The following TNFSF14 variants were observed in gnomAD, a reference collection of about 807,000 sequenced individuals.
TNFSF14 encodes the protein tumor necrosis factor ligand superfamily member 14.
A neutral mutation model predicts 22.7 loss-of-function variants in TNFSF14; 15 were observed. The ratio of observed to expected loss-of-function variants is 0.66; its 90% confidence interval spans 0.44 to 1.02. The LOEUF is 1.02. TNFSF14 is among the 50% of genes least tolerant of loss of function. The pLI is 0.00. For synonymous variants in TNFSF14, 133 were observed against 139.6 expected (o/e 0.95, Z 0.33); for missense variants, 287 against 326.2 (o/e 0.88, Z 0.93).
chr19:6,670,377 T>C (rs1256128121), upstream of TNFSF14: 2 of 859,210 alleles, frequency 2.3e-6, no homozygotes, highest in Admixed American at 7.8e-5. Flanking sequence ...GGATGCTTCA[T>C]TCGCTTGGGG....
intron 1 of TNFSF14, among the ~76,000 whole-genome samples, chr19:6,667,814 G>A (rs1425903127): frequency 2.0e-5 from 3 of 152,190 alleles, no homozygotes; most frequent in Non-Finnish European, 4.4e-5. Flanking sequence ...GCCGAGGTGG[G>A]CAGATTACCT....
chr19:6,669,833 C>G lies in TNFSF14; in HGVS notation c.219+18G>C, dbSNP rs758618893. 2 of 1,608,274 alleles carry G rather than the reference C, an allele frequency of 1.2e-6. No individual in the cohort carries two copies. The highest frequency in any genetic ancestry group is 1.1e-5 in the South Asian group (1 of 90,962). ...CCCCCTCACCTCCACCTGCTCTCAG[C>G]CCCCCGGTCCCACTCACAGGCAGGC... On this transcript the variant is annotated intron_variant, in intron 1 of 3. Coordinates refer to ENST00000675206, the MANE Select transcript of TNFSF14 (RefSeq NM_001376887.1).
intron 3 of TNFSF14, among the ~76,000 whole-genome samples, chr19:6,666,857 C>T (rs1917441658): frequency 1.3e-5 from 2 of 151,930 alleles, no homozygotes; most frequent in Admixed American, 1.3e-4. Flanking sequence ...GAGATCATGC[C>T]ACTGCACCCC....
intron 1 of TNFSF14, among the ~76,000 whole-genome samples, chr19:6,668,773 C>T (rs1044846066): frequency 1.3e-5 from 2 of 152,052 alleles, no homozygotes; most frequent in African/African-American, 4.8e-5. Context: ...GGATATAGCA[C>T]CTGCCACAGG....
In TNFSF14 at chr19:6,664,897, C is replaced by T. The variant is rs1259276152; in HGVS notation, c.*29G>A. On this transcript the variant is annotated 3_prime_UTR_variant, in exon 4 of 4. Transcript: ENST00000675206. This position sits in a 1 kb window ranked among gnomAD's most constrained non-coding sequence, Gnocchi z 4.7. ...CCCTCTGAGTTCTCCACGTGTCAGA[C>T]CCATGTCCAATGCACCACGCTCCTT... 1.3e-6 allele frequency: 2 copies of T among 1,557,476 alleles called. No homozygotes were observed. Among genetic ancestry groups the T allele is most frequent in the Non-Finnish European group, 1.7e-6 (2 of 1,147,014 alleles).
intron 3 of TNFSF14, among the ~76,000 whole-genome samples, 198 bp downstream of exon 3, chr19:6,666,913 TAA>T (rs1917445767): frequency 6.7e-6 from 1 of 149,362 alleles, no homozygotes; most frequent in African/African-American, 2.5e-5. Context: ...AATAAATAAA[TAA>T]ATAAATAAAT....
chr19:6,665,667 C>T lies in TNFSF14; in HGVS notation c.299-317G>A, dbSNP rs1917399380. ...CAGGTGATCCACCCGCCTCGGCCTC[C>T]CAGAGTGCTGGGATTACAGGTGTGA... On this transcript the variant is annotated intron_variant, in intron 3 of 3. Transcript: ENST00000675206. Among the ~76,000 whole-genome samples the T allele has an allele frequency of 3.9e-5, 6 of 152,164 alleles. No homozygotes were observed. The South Asian group carries it at 1.2e-3, about 32-fold the overall frequency.
In TNFSF14 at chr19:6,661,932, T is replaced by A. The variant is rs1037105181; in HGVS notation, c.*2994A>T. ...TTTCCTTTGAGGATGCTGAGTAAAC[T>A]TCGTGGTGTGTGCCTGCATTTCCAC... On this transcript the variant is annotated 3_prime_UTR_variant, in exon 4 of 4. Transcript: ENST00000675206. The A allele has an allele frequency of 1.3e-5, 2 of 152,258 alleles. No individual in the cohort carries two copies. Among genetic ancestry groups the A allele is most frequent in the African/African-American group, 2.4e-5 (1 of 41,446 alleles). 9.4% of individuals were successfully genotyped at this position (152,258 alleles called of 1,614,324 possible).
rs1381921616 is a variant in TNFSF14 at position 6,667,097 on chromosome 19, C to A, written c.298+16G>T. 1 of 1,609,452 alleles carries A rather than the reference C, an allele frequency of 6.2e-7. No homozygotes were observed. Among genetic ancestry groups the A allele is most frequent in the Non-Finnish European group, 8.5e-7 (1 of 1,178,404 alleles). On this transcript the variant is annotated intron_variant, in intron 3 of 3. Coordinates refer to ENST00000675206, the MANE Select transcript of TNFSF14 (RefSeq NM_001376887.1). ...CCTGACCCCTGCCCCTTGCCAGGAT[C>A]CAGGGTCCCTCTCACCTGTGAGATG...
upstream of TNFSF14, chr19:6,670,426 G>A: frequency 2.6e-6 from 1 of 381,602 alleles, no homozygotes; most frequent in Non-Finnish European, 4.1e-6. Flanking sequence ...CCCATGCCAG[G>A]CTCTGCTCTC....
rs1461476323 is a variant in TNFSF14, at chr19:6,669,885, T to C, written c.185A>G (p.His62Arg). ...GGTGACCATCTCTCCTAGACGCCAGTGCAGCTGCAGGAGGAACCAGCCTTG... is the reference window on the plus strand; with the variant it reads ...GGTGACCATCTCTCCTAGACGCCAGCGCAGCTGCAGGAGGAACCAGCCTTG... Reference protein sequence around the residue: ...AVQGWFLLQLHWRLGEMVTRL... With the variant: ...AVQGWFLLQLRWRLGEMVTRL... Residue 62 changes from histidine to arginine, a missense_variant, in exon 1 of 4, where the codon CAC becomes CGC. Physicochemically the swap from His to Arg is conservative, Grantham distance 29. Transcript: ENST00000675206. The C allele has an allele frequency of 6.2e-7, 1 of 1,613,304 alleles. No individual in the cohort carries two copies. Among genetic ancestry groups the C allele is most frequent in the Admixed American group, 1.7e-5 (1 of 59,990 alleles).
At chr19:6,670,288 A>T, upstream of TNFSF14, 1 of 1,396,462 alleles carries the variant, frequency 7.2e-7, no homozygotes. Context: ...ACTCATACAG[A>T]CTCTCACACT....
At position 6,664,818 on chromosome 19, in the gene TNFSF14, G is replaced by A. The variant is rs1037775953; in HGVS notation, c.*108C>T. The A allele has an allele frequency of 7.8e-6, 11 of 1,418,396 alleles. No individual in the cohort carries two copies. In the Middle Eastern group the frequency reaches 7.4e-4, roughly 95 times the overall value. The allele number at this position is 1,418,396 out of a possible 1,614,324, so 87.9% of individuals were successfully genotyped here. On this transcript the variant is annotated 3_prime_UTR_variant, in exon 4 of 4. Coordinates refer to ENST00000675206, the MANE Select transcript of TNFSF14 (RefSeq NM_001376887.1). This position sits in a 1 kb window ranked among gnomAD's most constrained non-coding sequence, Gnocchi z 4.7. ...GCCTCCCAAAGTGCTGGGATTACAG[G>A]CGAGAGCCACCACGCCCAGCCTCTG...
Position 6,665,350 on chromosome 19 carries a change from C to T in TNFSF14, c.299G>A (p.Gly100Glu). Residue 100 changes from glycine to glutamate, a missense_variant and splice_region_variant, in exon 4 of 4, where the codon GGG becomes GAG. Coordinates refer to ENST00000675206, the MANE Select transcript of TNFSF14 (RefSeq NM_001376887.1). ...GCTGCCGGTCAAGCTGGAGTTGGCC[C>T]CTGTTGGGAAGAGAGAGACAAAGGG... Reference protein sequence around the residue: ...HEVNPAAHLTGANSSLTGSGG... With the variant: ...HEVNPAAHLTEANSSLTGSGG... The T allele has an allele frequency of 6.4e-7, 1 of 1,563,246 alleles. No individual in the cohort carries two copies. Among genetic ancestry groups the T allele is most frequent in the Non-Finnish European group, 8.7e-7 (1 of 1,155,672 alleles).
chr19:6,665,740 G>A (rs1917402395), intron 3 of TNFSF14, among the ~76,000 whole-genome samples: 1 of 151,662 alleles, frequency 6.6e-6, no homozygotes, highest in Non-Finnish European at 1.5e-5. Context: ...TGTGACTCCA[G>A]GCCAGTCACC....
In TNFSF14 at chr19:6,664,264, T is replaced by C. The variant is rs1917336313; in HGVS notation, c.*662A>G. On this transcript the variant is annotated 3_prime_UTR_variant, in exon 4 of 4. Coordinates refer to ENST00000675206, the MANE Select transcript of TNFSF14 (RefSeq NM_001376887.1). The surrounding 1 kb of genome is among the most constrained non-coding windows in gnomAD (Gnocchi z 4.7). ...GTCCCTGGAATCCCAAGCCCCACTT[T>C]CTTCTGAATCAAAAGCATAAATACC... The C allele has an allele frequency of 6.6e-6, 1 of 152,242 alleles. No individual in the cohort carries two copies. Among genetic ancestry groups the C allele is most frequent in the African/African-American group, 2.4e-5 (1 of 41,434 alleles). The allele number at this position is 152,242 out of a possible 1,614,324, so 9.4% of individuals were successfully genotyped here.
chr19:6,670,367 G>C, upstream of TNFSF14: 1 of 979,302 alleles, frequency 1.0e-6, no homozygotes, highest in South Asian at 3.1e-5. Context: ...TTCCCTTCTT[G>C]GATGCTTCAT....
chr19:6,668,023 A>C (rs1917479728), intron 1 of TNFSF14, among the ~76,000 whole-genome samples: 1 of 152,094 alleles, frequency 6.6e-6, no homozygotes, highest in Non-Finnish European at 1.5e-5. Flanking sequence ...TGACAGAGTG[A>C]GATTCTATCT....
chr19:6,669,254 C>T (rs1917522274), intron 1 of TNFSF14, among the ~76,000 whole-genome samples: 1 of 152,158 alleles, frequency 6.6e-6, no homozygotes, highest in South Asian at 2.1e-4. Flanking sequence ...GAGGCTGAGG[C>T]GGGTGGATCT....
Sources: allele counts gnomAD v4.1 joint callset (sites outside exome capture counted in the v4.1 genomes callset), GRCh38; gene constraint gnomAD v4.1.1; non-coding constraint Gnocchi (gnomAD v3.1); transcripts MANE v1.5; gene names NCBI Gene and HGNC (gene_info 2026-07-23, HGNC 2026-07-21).